TNFAIP8: variants seen among roughly 807,000 people sequenced by gnomAD.
TNFAIP8 encodes tumor necrosis factor alpha-induced protein 8.
A neutral mutation model predicts 13.3 loss-of-function variants in TNFAIP8; 7 were observed. The observed-to-expected ratio is 0.52, with a 90% CI of 0.30 to 0.99. The LOEUF is 0.99. Ranked by LOEUF, TNFAIP8 falls within the 50% of genes least tolerant of loss-of-function variation. TNFAIP8 has a pLI of 0.07. For missense variants in TNFAIP8, 258 were observed against 236.9 expected, an observed-to-expected ratio of 1.09 and a Z score of -0.58; for synonymous variants, 94 against 87.6, an observed-to-expected ratio of 1.07 and a Z score of -0.41.
chr5:119,268,864 AGCTC>A (rs1158478077), exon 1 of TNFAIP8: 1 of 703,290 alleles, frequency 1.4e-6, no homozygotes, highest in East Asian at 2.7e-5. Context: ...CAAACAGCCC[AGCTC>A]GCGCTTCAGC....
chr5:119,281,968 C>T (rs1748643562), intron 1 of TNFAIP8, among the ~76,000 whole-genome samples: 1 of 152,214 alleles, frequency 6.6e-6, no homozygotes, highest in Non-Finnish European at 1.5e-5. Context: ...AAATATGTCA[C>T]TCCATTTTCT....
At chr5:119,277,401 A>T (rs927738095) in intron 1 of TNFAIP8, among the ~76,000 whole-genome samples, 3 of 149,408 alleles carry the variant, frequency 2.0e-5, no homozygotes, top group Admixed American at 2.0e-4. Flanking sequence ...TCCATCAGGG[A>T]TTTTTTTTTT....
At chr5:119,298,682 G>T (rs1306174825) in intron 1 of TNFAIP8, among the ~76,000 whole-genome samples, 1 of 152,062 alleles carries the variant, frequency 6.6e-6, no homozygotes, top group Non-Finnish European at 1.5e-5. Flanking sequence ...AGTTCTCCTG[G>T]ATACTATCCT....
At chr5:119,297,853 T>C (rs1042421438) in intron 1 of TNFAIP8, among the ~76,000 whole-genome samples, 6 of 152,228 alleles carry the variant, frequency 3.9e-5, no homozygotes, top group Admixed American at 6.5e-5. Flanking sequence ...CCCTTTACCA[T>C]TGTGTAATGG....
At chr5:119,268,893 G>C in exon 1 of TNFAIP8, 1 of 701,662 alleles carries the variant, frequency 1.4e-6, no homozygotes, top group Non-Finnish European at 2.6e-6. Flanking sequence ...CGGCGCCGTC[G>C]CGCCACTCCT....
At chr5:119,300,709 G>A (rs1164767182) in intron 1 of TNFAIP8, among the ~76,000 whole-genome samples, 2 of 152,188 alleles carry the variant, frequency 1.3e-5, no homozygotes, top group African/African-American at 4.8e-5. Flanking sequence ...AGATCCAGCA[G>A]CTAGTCACTG....
chr5:119,346,979 A>T (rs1223904923), intron 1 of TNFAIP8, among the ~76,000 whole-genome samples: 3 of 152,236 alleles, frequency 2.0e-5, no homozygotes, highest in Admixed American at 1.3e-4. Context: ...GTATTATTTT[A>T]AAAATCCTCT....
rs139299785 is a variant in TNFAIP8, at chr5:119,389,092, T to C, written c.32-3724T>C. On this transcript the variant is annotated intron_variant, in intron 1 of 1. Coordinates refer to ENST00000504771, the MANE Select transcript of TNFAIP8 (RefSeq NM_014350.4). ...GGAAGGTGGAATGGAAAGAACTTAA[T>C]AATGGACTGGGTGAGGGAGAGAATG... 4.7e-3 allele frequency among the ~76,000 whole-genome samples: 721 copies of C among 152,204 alleles called. 11 individuals are homozygous for C. In the South Asian group the frequency reaches 0.049, roughly 10 times the overall value.
At chr5:119,309,091 C>G (rs1426264919) in intron 1 of TNFAIP8, among the ~76,000 whole-genome samples, 1 of 152,172 alleles carries the variant, frequency 6.6e-6, no homozygotes, top group Non-Finnish European at 1.5e-5. Context: ...TTGTGAAATA[C>G]AAAGATCAAA....
intron 1 of TNFAIP8, among the ~76,000 whole-genome samples, chr5:119,379,084 G>T (rs899977520): frequency 2.2e-4 from 34 of 152,206 alleles, no homozygotes; most frequent in African/African-American, 7.0e-4. Context: ...TAAAACAAAA[G>T]ATAGTTTGTA....
intron 1 of TNFAIP8, among the ~76,000 whole-genome samples, chr5:119,325,420 C>T (rs1750192552): frequency 6.6e-6 from 1 of 151,900 alleles, no homozygotes; most frequent in Admixed American, 6.6e-5. Context: ...CCCAGCTGCT[C>T]TATTTTATTT....
At chr5:119,340,518 A>G (rs1358225149) in intron 1 of TNFAIP8, among the ~76,000 whole-genome samples, 6 of 152,216 alleles carry the variant, frequency 3.9e-5, no homozygotes, top group Admixed American at 3.9e-4. Context: ...GATACTCACC[A>G]TATCAACTTG....
chr5:119,288,693 A>C (rs1327192974), intron 1 of TNFAIP8, among the ~76,000 whole-genome samples: 1 of 152,214 alleles, frequency 6.6e-6, no homozygotes, highest in Non-Finnish European at 1.5e-5. Flanking sequence ...AAATAATTTT[A>C]CATAGAAGGA....
chr5:119,375,535 G>C (rs757867941), intron 1 of TNFAIP8, among the ~76,000 whole-genome samples: 1 of 152,184 alleles, frequency 6.6e-6, no homozygotes, highest in Admixed American at 6.5e-5. Flanking sequence ...TAATCTTCAA[G>C]ACAGCAAGTT....
chr5:119,371,243 G>T (rs796497025), intron 1 of TNFAIP8, among the ~76,000 whole-genome samples: 7 of 152,230 alleles, frequency 4.6e-5, no homozygotes, highest in African/African-American at 1.7e-4. Flanking sequence ...GTGGAGTCTG[G>T]TATTTGTATG....
At chr5:119,379,897 C>G (rs757003542) in intron 1 of TNFAIP8, among the ~76,000 whole-genome samples, 8 of 152,186 alleles carry the variant, frequency 5.3e-5, no homozygotes, top group Non-Finnish European at 8.8e-5. Context: ...CTGGCCTGTG[C>G]TCCTTCTTTT....
intron 1 of TNFAIP8, among the ~76,000 whole-genome samples, chr5:119,290,907 G>A (rs6871637): frequency 0.6 from 90,729 of 151,932 alleles, 27,800 homozygotes; most frequent in East Asian, 0.93. Context: ...GCCTGGTCAG[G>A]TAGGAAGGGG....
At chr5:119,281,954 T>A (rs1188787734) in intron 1 of TNFAIP8, among the ~76,000 whole-genome samples, 3 of 152,230 alleles carry the variant, frequency 2.0e-5, no homozygotes, top group African/African-American at 7.2e-5. Context: ...TCCTTGAGAA[T>A]CTTAAATATG....
At chr5:119,355,371 C>A (rs777394815), upstream of TNFAIP8, 16 of 702,310 alleles carry the variant, frequency 2.3e-5, no homozygotes, top group Non-Finnish European at 3.4e-5. Flanking sequence ...TAAGCAGCCC[C>A]GTCTGCTTTT....
Sources: gnomAD v4.1 joint callset for allele counts (sites outside exome capture counted in the v4.1 genomes callset) on GRCh38, gnomAD v4.1.1 for gene constraint, MANE v1.5 for transcripts, NCBI Gene and HGNC (gene_info 2026-07-23, HGNC 2026-07-21) for gene names.